Variants in FLRT1 observed in about 807,000 individuals in gnomAD.
The protein encoded by FLRT1 is fibronectin leucine rich transmembrane protein 1.
In FLRT1, 14 loss-of-function variants were observed where a neutral mutation model predicts 30.9. That is an observed-to-expected ratio of 0.45 (90% CI 0.30 to 0.71). The LOEUF is 0.71. Ranked by LOEUF, FLRT1 falls within the 30% of genes least tolerant of loss-of-function variation. The probability of loss-of-function intolerance (pLI) is 0.08; values close to 1 mark genes in which losing one functional copy is unlikely to be tolerated. For missense variants in FLRT1, 737 were observed against 949.2 expected, an observed-to-expected ratio of 0.78 and a Z score of 2.94; for synonymous variants, 368 against 430.4, an observed-to-expected ratio of 0.85 and a Z score of 1.80.
At chr11:64,091,167 G>A (rs2134523129) in intron 1 of FLRT1, among the ~76,000 whole-genome samples, 1 of 149,524 alleles carries the variant, frequency 6.7e-6, no homozygotes, top group African/African-American at 2.5e-5. Flanking sequence ...GGGATGGGGA[G>A]GGGGCCTAAG....
At chr11:64,079,673 TGGA>T (rs1944270203) in intron 1 of FLRT1, among the ~76,000 whole-genome samples, 2 of 151,952 alleles carry the variant, frequency 1.3e-5, no homozygotes, top group Admixed American at 6.6e-5. Flanking sequence ...CAGAGACCCC[TGGA>T]GGAGGTGTGG....
rs569888352 is a variant in FLRT1 at position 64,097,526 on chromosome 11, C to T, written c.-1037-5668C>T. Among the ~76,000 whole-genome samples, 255 of 152,396 alleles carry T rather than the reference C, an allele frequency of 1.7e-3. 2 individuals are homozygous for T. Among genetic ancestry groups the T allele is most frequent in the South Asian group, 5.4e-3 (26 of 4,834 alleles). The stretch of plus-strand genomic sequence containing the variant: ...GGGTGGGCGCTGGCAAAGGCCCAGG[C>T]CCGCCGGCCGGGCGGCACAGACTCC... On this transcript the variant is annotated intron_variant, in intron 1 of 2. Coordinates refer to ENST00000682287, the MANE Select transcript of FLRT1 (RefSeq NM_013280.5).
At chr11:64,100,904 G>A (rs201868915) in intron 1 of FLRT1, among the ~76,000 whole-genome samples, 1 of 152,168 alleles carries the variant, frequency 6.6e-6, no homozygotes, top group East Asian at 1.9e-4. Context: ...GACATACAAA[G>A]CTGGACGGGC....
At chr11:64,115,560 G>A (rs941039997) in intron 2 of FLRT1, among the ~76,000 whole-genome samples, 5 of 152,186 alleles carry the variant, frequency 3.3e-5, no homozygotes, top group African/African-American at 4.8e-5. Flanking sequence ...TAGAATGTAC[G>A]AGTGACAACA....
At chr11:64,068,241 A>G (rs576926660) in intron 1 of FLRT1, among the ~76,000 whole-genome samples, 5 of 152,342 alleles carry the variant, frequency 3.3e-5, no homozygotes, top group African/African-American at 9.6e-5. Context: ...CGGTGTCAGA[A>G]ACCCCTTCAG....
At position 64,110,953 on chromosome 11, in the gene FLRT1, T is replaced by C. The variant is rs559075317; in HGVS notation, c.-49-5266T>C. On this transcript the variant is annotated intron_variant, in intron 2 of 2. Transcript: ENST00000682287. ...AGAGGGCTCAGCCTCGGGCTGGCCT[T>C]GGGGAGGGGGGCGGCAGGGGAGCCT... 4.3e-4 allele frequency among the ~76,000 whole-genome samples: 66 copies of C among 152,170 alleles called. No homozygotes were observed. The East Asian group carries it at 0.01, about 24-fold the overall frequency.
At chr11:64,087,983 G>A (rs972907861) in intron 1 of FLRT1, among the ~76,000 whole-genome samples, 6 of 152,216 alleles carry the variant, frequency 3.9e-5, no homozygotes, top group African/African-American at 1.4e-4. Context: ...CCAGAGCTGG[G>A]AGGGCCTCGA....
intron 1 of FLRT1, among the ~76,000 whole-genome samples, chr11:64,074,313 C>T (rs1944162650): frequency 1.3e-5 from 2 of 152,200 alleles, no homozygotes; most frequent in South Asian, 4.1e-4. Context: ...CTGCCGAGCT[C>T]CTATGCATTC....
Position 64,064,677 on chromosome 11 carries a change from G to A in FLRT1, c.-1038+28518G>A, listed in dbSNP as rs998680403. Among the ~76,000 whole-genome samples the A allele has an allele frequency of 9.2e-6, 1 of 108,294 alleles. No homozygotes were observed. Among genetic ancestry groups the A allele is most frequent in the Non-Finnish European group, 1.7e-5 (1 of 59,260 alleles). 71.0% of individuals were successfully genotyped at this position (108,294 alleles called of 152,430 possible). On this transcript the variant is annotated intron_variant, in intron 1 of 2. Transcript: ENST00000682287. The surrounding 1 kb of genome is among the most constrained non-coding windows in gnomAD (Gnocchi z 4.5). ...CTCTGGCAGGACATTAAACGGCACC[G>A]AGATAGAAGGAGGGGGGCCCTCCCT...
chr11:64,101,255 G>A (rs1182594519), intron 1 of FLRT1, among the ~76,000 whole-genome samples: 1 of 152,142 alleles, frequency 6.6e-6, no homozygotes, highest in Non-Finnish European at 1.5e-5. Context: ...CACGGCTGGT[G>A]GGCTGGGCAG....
intron 1 of FLRT1, among the ~76,000 whole-genome samples, chr11:64,048,209 G>A (rs550132500): frequency 1.3e-5 from 2 of 152,362 alleles, no homozygotes; most frequent in African/African-American, 4.8e-5. Flanking sequence ...AGAGCCGGGG[G>A]CCTTCGAGGA....
At chr11:64,110,038 T>C (rs895136490) in intron 2 of FLRT1, among the ~76,000 whole-genome samples, 1 of 152,142 alleles carries the variant, frequency 6.6e-6, no homozygotes, top group African/African-American at 2.4e-5. Flanking sequence ...GGGGGTACTC[T>C]GCACATATAA....
chr11:64,059,292 G>T (rs1215972092), intron 1 of FLRT1, among the ~76,000 whole-genome samples: 3 of 152,190 alleles, frequency 2.0e-5, no homozygotes, highest in Admixed American at 6.5e-5. Context: ...AGAGGGTCTT[G>T]CGGGTCCTGG....
At chr11:64,081,302 G>A (rs966141068) in intron 1 of FLRT1, among the ~76,000 whole-genome samples, 9 of 152,184 alleles carry the variant, frequency 5.9e-5, no homozygotes, top group Non-Finnish European at 1.2e-4. Context: ...GATTACAGGC[G>A]TGAGCCACCA....
chr11:64,102,233 G>A lies in FLRT1; in HGVS notation c.-1037-961G>A, dbSNP rs1053125546. On this transcript the variant is annotated intron_variant, in intron 1 of 2. Coordinates refer to ENST00000682287, the MANE Select transcript of FLRT1 (RefSeq NM_013280.5). ...GGGGGAATACAGACACCAGGGCGCC[G>A]CGGCCCTTCCACATGCCGCACTAAT... 2.6e-5 allele frequency among the ~76,000 whole-genome samples: 4 copies of A among 152,202 alleles called. No homozygotes were observed. The East Asian group carries it at 5.8e-4, about 22-fold the overall frequency.
Position 64,117,095 on chromosome 11 carries a change from C to T in FLRT1, c.828C>T (p.Tyr276=), listed in dbSNP as rs1391188230. 5 of 1,605,174 alleles carry T rather than the reference C, an allele frequency of 3.1e-6. No homozygotes were observed. In the South Asian group the frequency reaches 3.3e-5, roughly 11 times the overall value. The change falls in exon 3 of 3, where the codon TAC becomes TAT. Residue 276 remains tyrosine, a synonymous_variant. Transcript: ENST00000682287. ...NLPSAHLQKL[Y]LQDNAISHIP... is the part of the protein sequence containing the mutation. Reference sequence around the variant, plus strand: ...CCAGCGCCCACCTGCAGAAGCTCTACCTGCAGGACAATGCCATCAGCCACA... The same window carrying T: ...CCAGCGCCCACCTGCAGAAGCTCTATCTGCAGGACAATGCCATCAGCCACA...
intron 1 of FLRT1, among the ~76,000 whole-genome samples, chr11:64,095,764 C>T (rs975393689): frequency 2.0e-4 from 30 of 152,328 alleles, no homozygotes; most frequent in Non-Finnish European, 4.1e-4. Flanking sequence ...AGCACTAGCA[C>T]GGAGCCCTTG....
At chr11:64,081,104 C>G (rs1681203894) in intron 1 of FLRT1, among the ~76,000 whole-genome samples, 1 of 152,190 alleles carries the variant, frequency 6.6e-6, no homozygotes, top group Admixed American at 6.5e-5. Flanking sequence ...TCACTGCAAC[C>G]TCCACCTCCC....
chr11:64,037,799 G>A (rs1022471243), intron 1 of FLRT1, among the ~76,000 whole-genome samples: 2 of 152,186 alleles, frequency 1.3e-5, no homozygotes, highest in South Asian at 4.1e-4. Context: ...CTAGACCTGG[G>A]TCTGTGCATC....
Sources: gnomAD v4.1 joint callset for allele counts (sites outside exome capture counted in the v4.1 genomes callset) on GRCh38, gnomAD v4.1.1 for gene constraint, Gnocchi (gnomAD v3.1) non-coding constraint, MANE v1.5 for transcripts, NCBI Gene and HGNC (gene_info 2026-07-23, HGNC 2026-07-21) for gene names.